The following ADAMTSL3 variants were observed in gnomAD, a reference collection of about 807,000 sequenced individuals.
The protein encoded by ADAMTSL3 is ADAMTS-like protein 3.
A neutral mutation model predicts 201.7 loss-of-function variants in ADAMTSL3; 128 were observed. The ratio of observed to expected loss-of-function variants is 0.63; its 90% CI spans 0.55 to 0.73. The LOEUF (loss-of-function observed/expected upper bound fraction) is 0.73. Ranked by LOEUF, ADAMTSL3 falls within the 30% of genes least tolerant of loss-of-function variation. The pLI is 0.00. For missense variants in ADAMTSL3, 1,990 were observed against 2,119.6 expected, an observed-to-expected ratio of 0.94 and a Z score of 1.20; for synonymous variants, 738 against 748.4, an observed-to-expected ratio of 0.99 and a Z score of 0.23.
intron 8 of ADAMTSL3, among the ~76,000 whole-genome samples, chr15:83,863,738 A>G (rs1345443312): frequency 6.6e-6 from 1 of 152,214 alleles, no homozygotes; most frequent in African/African-American, 2.4e-5. Flanking sequence ...TTCAAAAGCT[A>G]GCAGAAGGCA....
At chr15:83,853,904 A>T (rs1050888607) in intron 7 of ADAMTSL3, among the ~76,000 whole-genome samples, 4 of 113,868 alleles carry the variant, frequency 3.5e-5, no homozygotes, top group African/African-American at 1.4e-4. Flanking sequence ...CTATCACTCT[A>T]TCTCTATCTA....
chr15:83,786,264 A>T (rs1031662750), intron 4 of ADAMTSL3, among the ~76,000 whole-genome samples: 6 of 152,182 alleles, frequency 3.9e-5, no homozygotes, highest in Non-Finnish European at 8.8e-5. Context: ...AGCGTTAGCC[A>T]CCACGCCTGG....
intron 7 of ADAMTSL3, among the ~76,000 whole-genome samples, chr15:83,841,953 G>A (rs1292750624): frequency 6.6e-6 from 1 of 151,690 alleles, no homozygotes; most frequent in Non-Finnish European, 1.5e-5. Context: ...AGACTCAGGG[G>A]GAAATTTGGC....
chr15:83,928,566 G>A (rs2066291586), intron 17 of ADAMTSL3, among the ~76,000 whole-genome samples: 1 of 152,142 alleles, frequency 6.6e-6, no homozygotes, highest in African/African-American at 2.4e-5. Flanking sequence ...GAGGCCCTAA[G>A]AACACTGATG....
chr15:83,931,386 A>G (rs1236438545), intron 17 of ADAMTSL3, among the ~76,000 whole-genome samples: 1 of 152,224 alleles, frequency 6.6e-6, no homozygotes, highest in Non-Finnish European at 1.5e-5. Context: ...ACTATAATTG[A>G]TTTATCTAGC....
In ADAMTSL3 at chr15:83,785,793, CT is replaced by C. The variant is rs201429755; in HGVS notation, c.317+12153del. Among the ~76,000 whole-genome samples the C allele has an allele frequency of 4.1e-4, 61 of 148,572 alleles. 1 individual carries two copies. In the East Asian group the frequency reaches 6.5e-3, roughly 16 times the overall value. Reference sequence around the variant, plus strand: ...TCATGTTCTCTTTAATTACTTTCCTCTTTTTTTTTTCTTTTTCTGTGCACGT... The same window carrying C: ...TCATGTTCTCTTTAATTACTTTCCTCTTTTTTTTTCTTTTTCTGTGCACGT... On this transcript the variant is annotated intron_variant, in intron 4 of 29. Coordinates refer to ENST00000286744, the MANE Select transcript of ADAMTSL3 (RefSeq NM_207517.3).
rs369089583 is a variant in ADAMTSL3, at chr15:84,037,022, G to A, written c.4969+35G>A. 661 of 1,602,924 alleles carry A rather than the reference G, an allele frequency of 4.1e-4. 5 individuals carry two copies. Among genetic ancestry groups the A allele is most frequent in the Admixed American group, 3.9e-4 (23 of 59,402 alleles). Reference sequence around the variant, plus strand: ...CCTCCCAGGTATCTCCACTGCCCCAGAGGCCTTGATGGCATCAGATCCTGA... The same window carrying A: ...CCTCCCAGGTATCTCCACTGCCCCAAAGGCCTTGATGGCATCAGATCCTGA... On this transcript the variant is annotated intron_variant, in intron 29 of 29. Coordinates refer to ENST00000286744, the MANE Select transcript of ADAMTSL3 (RefSeq NM_207517.3).
chr15:83,849,703 T>C (rs1377129486), intron 7 of ADAMTSL3, among the ~76,000 whole-genome samples: 4 of 152,190 alleles, frequency 2.6e-5, no homozygotes, highest in Non-Finnish European at 4.4e-5. Context: ...CTGCAATTTA[T>C]GAATGGCCCA....
At chr15:83,819,138 C>T (rs12442790) in intron 5 of ADAMTSL3, among the ~76,000 whole-genome samples, 85,192 of 151,490 alleles carry the variant, frequency 0.56, 24,542 homozygotes, top group East Asian at 0.74. Context: ...GGCGTGGTGG[C>T]GGGCGCCTGT....
chr15:83,900,637 G>A (rs928235531), intron 15 of ADAMTSL3, among the ~76,000 whole-genome samples: 4 of 152,220 alleles, frequency 2.6e-5, no homozygotes, highest in Non-Finnish European at 5.9e-5. Context: ...TTTCCCTCTC[G>A]GAGCAGGCAT....
intron 23 of ADAMTSL3, among the ~76,000 whole-genome samples, chr15:83,998,104 A>G (rs886611843): frequency 1.3e-5 from 2 of 152,162 alleles, no homozygotes; most frequent in South Asian, 2.1e-4. Context: ...TGGAGCTGCA[A>G]TATCAGCCCA....
chr15:83,773,150 T>C (rs1015776041), intron 3 of ADAMTSL3, among the ~76,000 whole-genome samples: 4 of 152,186 alleles, frequency 2.6e-5, no homozygotes, highest in African/African-American at 7.2e-5. Context: ...GTGAAGAGCT[T>C]AGAAGATGAC....
At chr15:83,868,373 C>T (rs1010923159) in intron 8 of ADAMTSL3, among the ~76,000 whole-genome samples, 2 of 152,076 alleles carry the variant, frequency 1.3e-5, no homozygotes. Flanking sequence ...ACACCACAAA[C>T]TCCTTTTTTT....
intron 26 of ADAMTSL3, among the ~76,000 whole-genome samples, 160 bp downstream of exon 26, chr15:84,021,753 T>A (rs2068209532): frequency 6.6e-6 from 1 of 152,214 alleles, no homozygotes; most frequent in African/African-American, 2.4e-5. Flanking sequence ...CAGTGTCCTG[T>A]GAGGTAGATG....
At chr15:83,684,805 A>G (rs1359645224) in intron 2 of ADAMTSL3, among the ~76,000 whole-genome samples, 2 of 152,158 alleles carry the variant, frequency 1.3e-5, no homozygotes, top group Non-Finnish European at 2.9e-5. Flanking sequence ...TTTGTTTTTT[A>G]CAAACAATTC....
At chr15:83,761,727 C>T (rs989476203) in intron 3 of ADAMTSL3, among the ~76,000 whole-genome samples, 2 of 152,184 alleles carry the variant, frequency 1.3e-5, no homozygotes, top group African/African-American at 4.8e-5. Flanking sequence ...AATCTTCCCT[C>T]ATGTAAAGTA....
At chr15:83,779,697 CAA>C (rs199855902) in intron 4 of ADAMTSL3, among the ~76,000 whole-genome samples, 361 of 72,072 alleles carry the variant, frequency 5.0e-3, no homozygotes, top group African/African-American at 0.011. Context: ...GACTCCATCT[CAA>C]AAAAAAAAAA....
chr15:83,796,273 A>G (rs2063424602), intron 4 of ADAMTSL3, among the ~76,000 whole-genome samples: 1 of 152,218 alleles, frequency 6.6e-6, no homozygotes, highest in Non-Finnish European at 1.5e-5. Flanking sequence ...TTGTGCAGAT[A>G]GAAAAATCCA....
chr15:83,671,768 T>C (rs2061332370), intron 2 of ADAMTSL3, among the ~76,000 whole-genome samples: 1 of 152,224 alleles, frequency 6.6e-6, no homozygotes, highest in Non-Finnish European at 1.5e-5. Context: ...TCTAACTCTT[T>C]TGTTTTCTTG....
Sources: allele counts gnomAD v4.1 joint callset (sites outside exome capture counted in the v4.1 genomes callset), GRCh38; gene constraint gnomAD v4.1.1; transcripts MANE v1.5; gene names NCBI Gene and HGNC (gene_info 2026-07-23, HGNC 2026-07-21).